Variants in ADD3 observed in about 807,000 individuals in gnomAD.
The protein encoded by ADD3 is gamma-adducin.
A neutral mutation model predicts 80.2 loss-of-function variants in ADD3; 25 were observed. The observed-to-expected ratio is 0.31, with a 90% CI of 0.23 to 0.44. The LOEUF is 0.44. Ranked by LOEUF, ADD3 falls within the 20% of genes least tolerant of loss-of-function variation. ADD3 has a pLI of 1.00. For missense variants in ADD3, 829 were observed against 847.5 expected (o/e 0.98, Z 0.27); for synonymous variants, 284 against 289.6 (o/e 0.98, Z 0.20).
At chr10:110,088,645 G>T (rs1847104473) in intron 1 of ADD3, among the ~76,000 whole-genome samples, 1 of 152,118 alleles carries the variant, frequency 6.6e-6, no homozygotes, top group Non-Finnish European at 1.5e-5. Flanking sequence ...ATTGACTTTT[G>T]CAGCTGTATT....
At chr10:110,081,931 T>C (rs1048906902) in intron 1 of ADD3, among the ~76,000 whole-genome samples, 2 of 152,180 alleles carry the variant, frequency 1.3e-5, no homozygotes, top group Non-Finnish European at 2.9e-5. Flanking sequence ...AAAACAGTCC[T>C]ATGGTGGCAA....
chr10:110,011,826 C>T (rs1366455512), intron 1 of ADD3, among the ~76,000 whole-genome samples: 1 of 152,174 alleles, frequency 6.6e-6, no homozygotes, highest in Non-Finnish European at 1.5e-5. Flanking sequence ...ACTCCGGGTC[C>T]ATGCCAGAGT....
rs537461037 is a variant in ADD3 at position 110,118,965 on chromosome 10, G to A, written c.717+229G>A. ...ACCAGTTTGAAAATTGGGTCATTGA[G>A]TTTTTTGGAGCAAAGCTTCTTTCAT... On this transcript the variant is annotated intron_variant, in intron 6 of 14. Coordinates refer to ENST00000356080, the MANE Select transcript of ADD3 (RefSeq NM_016824.5). 1.3e-5 allele frequency among the ~76,000 whole-genome samples: 2 copies of A among 152,332 alleles called. 1 individual carries two copies. The highest frequency in any genetic ancestry group is 4.8e-5 in the African/African-American group (2 of 41,572).
At chr10:110,044,730 T>A (rs551227030) in intron 1 of ADD3, among the ~76,000 whole-genome samples, 1 of 152,390 alleles carries the variant, frequency 6.6e-6, no homozygotes, top group East Asian at 1.9e-4. Context: ...ATTTCTCCCA[T>A]GAGATTCAAT....
intron 1 of ADD3, among the ~76,000 whole-genome samples, chr10:110,024,930 CTT>C (rs769862106): frequency 2.3e-4 from 33 of 141,326 alleles, no homozygotes; most frequent in Middle Eastern, 3.7e-3. Flanking sequence ...CTCCTCTTTT[CTT>C]TTTTTTTTTT....
At chr10:110,062,200 T>TAAAAAAAAAA (rs57540485) in intron 1 of ADD3, among the ~76,000 whole-genome samples, 1 of 35,198 alleles carries the variant, frequency 2.8e-5, no homozygotes, top group African/African-American at 1.0e-4. Flanking sequence ...CTGTCTCTAC[T>TAAAAAAAAAA]AAAAAAAAAA....
chr10:110,063,783 A>ATG (rs1491280257), intron 1 of ADD3, among the ~76,000 whole-genome samples: 6 of 123,338 alleles, frequency 4.9e-5, no homozygotes, highest in African/African-American at 1.9e-4. Context: ...ATATATATAT[A>ATG]AAGTGAACAC....
In ADD3 at chr10:110,052,052, G is replaced by A. The variant is rs559579843; in HGVS notation, c.-30+43753G>A. Among the ~76,000 whole-genome samples the A allele has an allele frequency of 4.3e-4, 66 of 152,300 alleles. 2 individuals are homozygous for A. The South Asian group carries it at 0.012, about 28-fold the overall frequency. ...CTGGGCTTCCCAAGGTGCTGTCTCA[G>A]CTTCCCAAGGTGTTGAGATTACAGG... On this transcript the variant is annotated intron_variant, in intron 1 of 14. Transcript: ENST00000356080.
chr10:110,053,839 C>G (rs1857810364), intron 1 of ADD3, among the ~76,000 whole-genome samples: 1 of 152,154 alleles, frequency 6.6e-6, no homozygotes, highest in South Asian at 2.1e-4. Context: ...AGGTTAAATG[C>G]AACTACCCCT....
chr10:110,056,646 TATTA>T (rs1223906947), intron 1 of ADD3, among the ~76,000 whole-genome samples: 1 of 152,160 alleles, frequency 6.6e-6, no homozygotes, highest in African/African-American at 2.4e-5. Context: ...TGGTTTAGAG[TATTA>T]ATTTGCTCTA....
Position 110,133,855 on chromosome 10 carries a change from A to C in ADD3, c.*237A>C, listed in dbSNP as rs574571660. 6.1e-6 allele frequency: 2 copies of C among 327,664 alleles called. No homozygotes were observed. The highest frequency in any genetic ancestry group is 4.3e-5 in the African/African-American group (2 of 46,944). 20.3% of individuals were successfully genotyped at this position (327,664 alleles called of 1,614,324 possible). A position where few individuals can be genotyped will look rare whatever the true frequency, so the allele number is the denominator to read the frequency against. The stretch of plus-strand genomic sequence containing the variant: ...ACTAGTTTTAATTAGCTCTGCCCTC[A>C]TGAAGTATTATTATAATTCACCATA... On this transcript the variant is annotated 3_prime_UTR_variant, in exon 15 of 15. Transcript: ENST00000356080.
intron 3 of ADD3, 80 bp from the exon 4 acceptor site, chr10:110,116,179 G>A (rs1218466562): frequency 2.4e-5 from 34 of 1,411,298 alleles, no homozygotes; most frequent in Admixed American, 7.4e-5. Context: ...ACTCCCAGAC[G>A]CAGGCTACTT....
chr10:110,067,492 G>A (rs1844109439), intron 1 of ADD3, among the ~76,000 whole-genome samples: 1 of 152,170 alleles, frequency 6.6e-6, no homozygotes, highest in African/African-American at 2.4e-5. Context: ...AGTTTAAAGA[G>A]GTTGAGAACT....
intron 1 of ADD3, among the ~76,000 whole-genome samples, chr10:110,068,768 G>A (rs1217518803): frequency 6.6e-6 from 1 of 152,154 alleles, no homozygotes; most frequent in African/African-American, 2.4e-5. Context: ...TTTATATAAA[G>A]TATATGCTCC....
At chr10:110,077,390 A>G (rs1344850722) in intron 1 of ADD3, among the ~76,000 whole-genome samples, 3 of 151,952 alleles carry the variant, frequency 2.0e-5, no homozygotes, top group African/African-American at 7.3e-5. Context: ...GGCAAATAGT[A>G]TTCTCCCAAA....
upstream of ADD3, chr10:110,006,001 TGCTGCC>T: frequency 1.6e-5 from 4 of 245,998 alleles, no homozygotes; most frequent in Non-Finnish European, 2.5e-5. Context: ...CTGCTGCTGC[TGCTGCC>T]GCCGCCGCCG....
intron 1 of ADD3, among the ~76,000 whole-genome samples, chr10:110,050,928 A>G (rs527442343): frequency 1.3e-4 from 20 of 152,300 alleles, no homozygotes; most frequent in African/African-American, 4.3e-4. Context: ...ACCCTCTCAT[A>G]TATCAGTTGG....
chr10:110,113,055 C>T (rs747831840), intron 3 of ADD3, 140 bp downstream of exon 3: 41 of 847,064 alleles, frequency 4.8e-5, no homozygotes, highest in Non-Finnish European at 7.3e-5. Flanking sequence ...AGTGTTAGAC[C>T]CTCCTACCTT....
chr10:110,037,469 G>A (rs1226602564), intron 1 of ADD3, among the ~76,000 whole-genome samples: 1 of 151,802 alleles, frequency 6.6e-6, no homozygotes, highest in Non-Finnish European at 1.5e-5. Flanking sequence ...GCCAGGCGTG[G>A]TGGTGGGCAC....
Sources: allele counts gnomAD v4.1 joint callset (sites outside exome capture counted in the v4.1 genomes callset), GRCh38; gene constraint gnomAD v4.1.1; transcripts MANE v1.5; gene names NCBI Gene and HGNC (gene_info 2026-07-23, HGNC 2026-07-21).